Variants in PAPPA observed in about 807,000 individuals in gnomAD.
PAPPA encodes the protein pappalysin 1, also known as pappalysin-1.
PAPPA carries 60 observed loss-of-function variants against 164.0 expected under a neutral mutation model. The observed-to-expected ratio is 0.37, with a 90% CI of 0.30 to 0.45. The LOEUF is 0.45. Among genes scored for constraint, PAPPA ranks in the 20% least tolerant of loss-of-function variants. The probability of loss-of-function intolerance (pLI) is 1.00; values close to 1 mark genes in which losing one functional copy is unlikely to be tolerated. For missense variants in PAPPA, 1,782 were observed against 2,087.3 expected (o/e 0.85, Z 2.85); for synonymous variants, 875 against 814.1 (o/e 1.07, Z -1.27).
At chr9:116,180,820 G>A (rs993668797) in intron 1 of PAPPA, among the ~76,000 whole-genome samples, 3 of 152,086 alleles carry the variant, frequency 2.0e-5, no homozygotes, top group African/African-American at 7.2e-5. Flanking sequence ...CAGCTGTGGG[G>A]GAGCTTTCAA....
intron 21 of PAPPA, among the ~76,000 whole-genome samples, chr9:116,389,999 G>A (rs1293888832): frequency 6.6e-6 from 1 of 152,104 alleles, no homozygotes; most frequent in African/African-American, 2.4e-5. Flanking sequence ...ATTGTTTCCT[G>A]TCCAATAGTA....
intron 9 of PAPPA, among the ~76,000 whole-genome samples, chr9:116,290,554 A>G (rs376385309): frequency 2.0e-4 from 31 of 152,310 alleles, no homozygotes; most frequent in East Asian, 7.7e-4. Flanking sequence ...GTCCAAAGTC[A>G]TAGGGTTGAT....
intron 10 of PAPPA, among the ~76,000 whole-genome samples, chr9:116,304,681 G>T (rs778292403): frequency 2.6e-5 from 4 of 152,064 alleles, no homozygotes; most frequent in African/African-American, 9.7e-5. Context: ...ATCTTGTAAG[G>T]GGGGGCTGTC....
intron 4 of PAPPA, among the ~76,000 whole-genome samples, chr9:116,218,138 G>A (rs1271057872): frequency 2.0e-5 from 3 of 152,134 alleles, no homozygotes; most frequent in African/African-American, 4.8e-5. Context: ...TGTTTGTTAA[G>A]AGACATTGGG....
chr9:116,192,758 A>T (rs1587945766), intron 2 of PAPPA, among the ~76,000 whole-genome samples: 1 of 152,184 alleles, frequency 6.6e-6, no homozygotes, highest in Admixed American at 6.5e-5. Flanking sequence ...GGGAGGCAGG[A>T]CTTCATCTGC....
At chr9:116,300,190 G>A (rs1228965848) in intron 9 of PAPPA, among the ~76,000 whole-genome samples, 1 of 152,102 alleles carries the variant, frequency 6.6e-6, no homozygotes, top group Admixed American at 6.6e-5. Context: ...AATGCTACTG[G>A]TCACTTATAA....
intron 8 of PAPPA, among the ~76,000 whole-genome samples, chr9:116,268,076 T>G (rs957225114): frequency 6.6e-6 from 1 of 152,112 alleles, no homozygotes; most frequent in Non-Finnish European, 1.5e-5. Context: ...AAATTTTATA[T>G]CTGAATTGTC....
At chr9:116,366,224 G>A (rs1229628075) in intron 18 of PAPPA, among the ~76,000 whole-genome samples, 1 of 152,050 alleles carries the variant, frequency 6.6e-6, no homozygotes, top group African/African-American at 2.4e-5. Flanking sequence ...TACTTTCCAT[G>A]GACTAGGCTT....
chr9:116,316,446 C>G (rs1845788594), intron 10 of PAPPA: 1 of 152,232 alleles, frequency 6.6e-6, no homozygotes, highest in African/African-American at 2.4e-5. Flanking sequence ...AGAACAGCTG[C>G]TTCAACACCC....
chr9:116,190,568 C>A (rs1332666413), intron 2 of PAPPA, among the ~76,000 whole-genome samples: 2 of 152,114 alleles, frequency 1.3e-5, no homozygotes, highest in African/African-American at 2.4e-5. Flanking sequence ...CAATAAGGGG[C>A]AAAATTAAAA....
At chr9:116,353,971 G>C (rs553877943) in intron 17 of PAPPA, among the ~76,000 whole-genome samples, 178 bp downstream of exon 17, 227 of 151,830 alleles carry the variant, frequency 1.5e-3, no homozygotes, top group Non-Finnish European at 2.5e-3. Context: ...TTTTTTTTAA[G>C]CATTGGAACT....
At chr9:116,299,579 T>A (rs1301716781) in intron 9 of PAPPA, among the ~76,000 whole-genome samples, 1 of 152,216 alleles carries the variant, frequency 6.6e-6, no homozygotes, top group Non-Finnish European at 1.5e-5. Flanking sequence ...TATTTTTCTT[T>A]ACATTGGAGG....
intron 1 of PAPPA, among the ~76,000 whole-genome samples, chr9:116,175,336 G>T (rs1843821815): frequency 1.3e-5 from 2 of 152,256 alleles, no homozygotes; most frequent in Admixed American, 6.5e-5. Flanking sequence ...GATGACTATA[G>T]TTACTATTGC....
chr9:116,181,024 C>T (rs1203554483), intron 1 of PAPPA, among the ~76,000 whole-genome samples: 1 of 152,178 alleles, frequency 6.6e-6, no homozygotes, highest in South Asian at 2.1e-4. Context: ...AACACACCAC[C>T]AATTTTGCTA....
chr9:116,393,921 G>C (rs1018562031), intron 21 of PAPPA, among the ~76,000 whole-genome samples: 3 of 152,148 alleles, frequency 2.0e-5, no homozygotes, highest in Non-Finnish European at 4.4e-5. Context: ...CTTGTGGTAA[G>C]GACTTTGGAT....
chr9:116,177,325 C>G (rs1261889236), intron 1 of PAPPA, among the ~76,000 whole-genome samples: 4 of 152,208 alleles, frequency 2.6e-5, no homozygotes, highest in African/African-American at 9.7e-5. Flanking sequence ...GTCCACTGTG[C>G]TTTCACTCAT....
chr9:116,194,120 G>A (rs1844076451), intron 2 of PAPPA, among the ~76,000 whole-genome samples: 1 of 152,196 alleles, frequency 6.6e-6, no homozygotes, highest in Non-Finnish European at 1.5e-5. Flanking sequence ...TCTTCAGACT[G>A]TAGACACTGA....
At chr9:116,317,707 G>C (rs955651497) in intron 10 of PAPPA, among the ~76,000 whole-genome samples, 1 of 152,044 alleles carries the variant, frequency 6.6e-6, no homozygotes, top group Non-Finnish European at 1.5e-5. Context: ...ACAATGCCTC[G>C]GGCCCTGAAA....
At chr9:116,197,914 T>C (rs1273347919) in intron 2 of PAPPA, among the ~76,000 whole-genome samples, 1 of 152,256 alleles carries the variant, frequency 6.6e-6, no homozygotes, top group East Asian at 1.9e-4. Context: ...TTAGTTAGTC[T>C]TCACATCAGT....
Sources: gnomAD v4.1 joint callset for allele counts (sites outside exome capture counted in the v4.1 genomes callset) on GRCh38, gnomAD v4.1.1 for gene constraint, MANE v1.5 for transcripts, NCBI Gene and HGNC (gene_info 2026-07-23, HGNC 2026-07-21) for gene names.